Variants in SLC4A10 observed in about 807,000 individuals in gnomAD.
SLC4A10 encodes the protein sodium-driven chloride bicarbonate exchanger.
Under a neutral mutation model 137.7 loss-of-function variants are expected in SLC4A10, and 42 were observed. The observed-to-expected ratio is 0.30, with a 90% CI of 0.24 to 0.39. SLC4A10 has a LOEUF of 0.39. SLC4A10 is among the 10% of genes least tolerant of loss of function. The probability of loss-of-function intolerance (pLI) is 1.00; values close to 1 mark genes in which losing one functional copy is unlikely to be tolerated. For synonymous variants in SLC4A10, 474 were observed against 464.1 expected (o/e 1.02, Z -0.27); for missense variants, 925 against 1,355.0 (o/e 0.68, Z 4.98).
chr2:161,844,510 G>T (rs952543280), intron 4 of SLC4A10, among the ~76,000 whole-genome samples: 2 of 151,956 alleles, frequency 1.3e-5, no homozygotes, highest in Non-Finnish European at 2.9e-5. Context: ...TTTTTTTCTT[G>T]AGACATCCAT....
chr2:161,968,428 T>A (rs1246390167), intron 23 of SLC4A10, among the ~76,000 whole-genome samples: 3 of 152,204 alleles, frequency 2.0e-5, no homozygotes, highest in African/African-American at 7.2e-5. Flanking sequence ...ATTTTAAAAG[T>A]AACTAAATAG....
At chr2:161,825,977 G>T (rs1403057405) in intron 3 of SLC4A10, among the ~76,000 whole-genome samples, 1 of 151,916 alleles carries the variant, frequency 6.6e-6, no homozygotes. Flanking sequence ...ATCTGTTCTT[G>T]GTGCTTCATC....
intron 9 of SLC4A10, among the ~76,000 whole-genome samples, chr2:161,880,368 A>G (rs2061691264): frequency 6.6e-6 from 1 of 152,114 alleles, no homozygotes; most frequent in Non-Finnish European, 1.5e-5. Context: ...ATATAACTCC[A>G]TGCTTTGATT....
chr2:161,725,430 G>T (rs2046110639), intron 1 of SLC4A10, among the ~76,000 whole-genome samples: 1 of 152,134 alleles, frequency 6.6e-6, no homozygotes, highest in Non-Finnish European at 1.5e-5. Context: ...ATGAATGTTA[G>T]CTATTACTGT....
rs2061190505 is a variant in SLC4A10, at chr2:161,872,475, A to G, written c.858+91A>G. Reference sequence around the variant, plus strand: ...AAGAGGTGTTGACACAATATTTTGCATGCGCTTTTTGTTTCTTGTCAAAGC... The same window carrying G: ...AAGAGGTGTTGACACAATATTTTGCGTGCGCTTTTTGTTTCTTGTCAAAGC... On this transcript the variant is annotated intron_variant, in intron 7 of 26. Coordinates refer to ENST00000446997, the MANE Select transcript of SLC4A10 (RefSeq NM_001178015.2). 5.4e-6 allele frequency: 5 copies of G among 932,428 alleles called. No homozygotes were observed. In the Admixed American group the frequency reaches 6.2e-5, roughly 12 times the overall value. The allele number at this position is 932,428 out of a possible 1,614,324, so 57.8% of individuals were successfully genotyped here. A position where few individuals can be genotyped will look rare whatever the true frequency, so the allele number is the denominator to read the frequency against.
At chr2:161,654,815 C>T (rs1404601749) in intron 1 of SLC4A10, among the ~76,000 whole-genome samples, 1 of 151,846 alleles carries the variant, frequency 6.6e-6, no homozygotes, top group East Asian at 1.9e-4. Flanking sequence ...AGTGTGGTGC[C>T]TCCAGTTTTG....
Position 161,624,501 on chromosome 2 carries a change from C to G in SLC4A10, c.-18C>G, listed in dbSNP as rs1424035689. On this transcript the variant is annotated 5_prime_UTR_variant, in exon 1 of 27. Transcript: ENST00000446997. ...GACACTGCAGAGCAAGGTGCTTATT[C>G]CAGAGGCGTTACAAAACATGGAGAT... 6.4e-7 allele frequency: 1 copy of G among 1,552,818 alleles called. No individual in the cohort carries two copies. Among genetic ancestry groups the G allele is most frequent in the South Asian group, 1.2e-5 (1 of 84,066 alleles).
chr2:161,747,213 G>T (rs2048478686), intron 1 of SLC4A10, among the ~76,000 whole-genome samples: 1 of 152,066 alleles, frequency 6.6e-6, no homozygotes, highest in Non-Finnish European at 1.5e-5. Flanking sequence ...CAGTGGTGGG[G>T]CTAGCCAGAA....
intron 2 of SLC4A10, among the ~76,000 whole-genome samples, chr2:161,793,635 G>C (rs1273884086): frequency 6.6e-6 from 1 of 151,994 alleles, no homozygotes; most frequent in Non-Finnish European, 1.5e-5. Context: ...ATGCGTTTCA[G>C]GTGGGAAGAT....
chr2:161,931,364 C>G (rs1424565087), intron 15 of SLC4A10: 1 of 152,244 alleles, frequency 6.6e-6, no homozygotes, highest in African/African-American at 2.4e-5. Context: ...ACGTTTCATC[C>G]AGCTGCAAAT....
At chr2:161,816,025 A>G (rs1209232005) in intron 3 of SLC4A10, among the ~76,000 whole-genome samples, 1 of 152,140 alleles carries the variant, frequency 6.6e-6, no homozygotes, top group Non-Finnish European at 1.5e-5. Flanking sequence ...CTCTAGTACT[A>G]ATCTTCTGCC....
rs1265693143 is a variant in SLC4A10 at position 161,862,962 on chromosome 2, T to G, written c.666T>G (p.His222Gln). Residue 222 changes from histidine to glutamine, a missense_variant, in exon 6 of 27, where the codon CAT becomes CAG. Around this residue, in one of 11 missense-constraint regions of SLC4A10, gnomAD observed 277 missense variants for 306.1 expected, o/e 0.90. Transcript: ENST00000446997. Reference sequence around the variant, plus strand: ...ATGAGGCATTGATGAAACAGCATCATCATCAGAATCAGAAAAAACTCACCA... The same window carrying G: ...ATGAGGCATTGATGAAACAGCATCAGCATCAGAATCAGAAAAAACTCACCA... ...RVHEALMKQHHHQNQKKLTNR... is the reference protein window; with the variant it reads ...RVHEALMKQHQHQNQKKLTNR... 6.2e-7 allele frequency: 1 copy of G among 1,613,718 alleles called. No homozygotes were observed. Among genetic ancestry groups the G allele is most frequent in the African/African-American group, 1.3e-5 (1 of 74,908 alleles).
At chr2:161,736,880 G>A (rs2047398077) in intron 1 of SLC4A10, among the ~76,000 whole-genome samples, 1 of 152,088 alleles carries the variant, frequency 6.6e-6, no homozygotes, top group African/African-American at 2.4e-5. Context: ...TGAGACAGGG[G>A]TCTCACTCTG....
rs569719077 is a variant in SLC4A10 at position 161,682,398 on chromosome 2, G to A, written c.48+57832G>A. On this transcript the variant is annotated intron_variant, in intron 1 of 26. Transcript: ENST00000446997. ...TTAAAGATTTATGCTTATGAGAATC[G>A]TAAGTATTGCAGGTAAAGGGAAGTT... is the stretch of plus-strand genomic sequence containing the variant. Among the ~76,000 whole-genome samples, 22 of 152,176 alleles carry A rather than the reference G, an allele frequency of 1.4e-4. No homozygotes were observed. In the East Asian group the frequency reaches 2.7e-3, roughly 19 times the overall value.
At chr2:161,955,115 T>C (rs1695432456) in intron 19 of SLC4A10, among the ~76,000 whole-genome samples, 1 of 152,164 alleles carries the variant, frequency 6.6e-6, no homozygotes, top group Non-Finnish European at 1.5e-5. Flanking sequence ...ACCATTCACA[T>C]TGTACTCCCT....
chr2:161,966,241 A>G (rs552971406), intron 23 of SLC4A10, among the ~76,000 whole-genome samples: 55 of 152,276 alleles, frequency 3.6e-4, no homozygotes, highest in African/African-American at 1.3e-3. Context: ...ATGGTGTTCT[A>G]TCACTAACAA....
intron 1 of SLC4A10, among the ~76,000 whole-genome samples, chr2:161,715,735 C>G (rs961039062): frequency 6.6e-6 from 1 of 152,076 alleles, no homozygotes; most frequent in African/African-American, 2.4e-5. Flanking sequence ...TTTATCCAGC[C>G]TATCATTGAT....
rs899623760 is a variant in SLC4A10, at chr2:161,815,874, T to C, written c.277+11279T>C. Among the ~76,000 whole-genome samples the C allele has an allele frequency of 6.3e-4, 96 of 152,292 alleles. 1 individual carries two copies. The highest frequency in any genetic ancestry group is 2.2e-3 in the African/African-American group (92 of 41,566). ...CTTATTTTTTGCCACTATTTTTGGATGCCACCTACCTTTTTCCTTCTTCAA... is the reference window on the plus strand; with the variant it reads ...CTTATTTTTTGCCACTATTTTTGGACGCCACCTACCTTTTTCCTTCTTCAA... On this transcript the variant is annotated intron_variant, in intron 3 of 26. Transcript: ENST00000446997.
At chr2:161,654,520 T>C (rs1337147508) in intron 1 of SLC4A10, among the ~76,000 whole-genome samples, 1 of 152,192 alleles carries the variant, frequency 6.6e-6, no homozygotes, top group African/African-American at 2.4e-5. Context: ...TCCAGTCTTA[T>C]GTTTAAGTCT....
Sources: gnomAD v4.1 joint callset for allele counts (sites outside exome capture counted in the v4.1 genomes callset) on GRCh38, gnomAD v4.1.1 for gene constraint, gnomAD v4.1.1 regional missense constraint, MANE v1.5 for transcripts, NCBI Gene and HGNC (gene_info 2026-07-23, HGNC 2026-07-21) for gene names.